Variants in AWAT1 observed in about 807,000 individuals in gnomAD.
The protein encoded by AWAT1 is acyl-CoA wax alcohol acyltransferase 1, also known as diacyl-glycerol acyltransferase 2.
In AWAT1, 26 loss-of-function variants were observed where a neutral mutation model predicts 21.6. That is an observed-to-expected ratio of 1.20 (90% CI 0.88 to 1.67). AWAT1 has a LOEUF of 1.67. AWAT1 is among the 40% of genes most tolerant of loss of function. The pLI, the probability that AWAT1 is intolerant of heterozygous loss-of-function variation, is 0.00. For synonymous variants in AWAT1, 102 were observed against 99.3 expected (o/e 1.03, Z -0.16); for missense variants, 264 against 249.4 (o/e 1.06, Z -0.39).
chrX:70,239,681 G>C (rs2085529574), intron 5 of AWAT1, 54 bp from the exon 6 acceptor site: 1 of 1,054,687 alleles, frequency 9.5e-7, no homozygotes, highest in Non-Finnish European at 1.3e-6. Context: ...TGTTCTTCCA[G>C]GGTGGGTCTC....
intron 5 of AWAT1, 90 bp downstream of exon 5, chrX:70,238,473 T>G (rs1324501038): frequency 1.3e-5 from 13 of 967,285 alleles, no homozygotes; most frequent in Middle Eastern, 8.2e-4. Context: ...ATGTGAATTT[T>G]GCCCTCAAGG....
At chrX:70,236,977 T>A in intron 3 of AWAT1, 67 bp from the exon 4 acceptor site, 1 of 1,003,721 alleles carries the variant, frequency 1.0e-6, no homozygotes. Flanking sequence ...CCCTGAAGTA[T>A]CACCACCCTT....
chrX:70,235,536 T>C (rs951601466), intron 1 of AWAT1, among the ~76,000 whole-genome samples, 180 bp from the exon 2 acceptor site: 4 of 110,637 alleles, frequency 3.6e-5, no homozygotes, highest in African/African-American at 1.3e-4. Flanking sequence ...ATAGGGCTTC[T>C]GTATGGTAAA....
In AWAT1 at chrX:70,240,650, A is replaced by T; in HGVS notation, c.*360A>T. The T allele has an allele frequency of 1.1e-5, 2 of 185,394 alleles. 1 individual carries two copies. Among genetic ancestry groups the T allele is most frequent in the African/African-American group, 5.7e-5 (2 of 34,794 alleles). The allele number at this position is 185,394 out of a possible 1,213,427, so 15.3% of individuals were successfully genotyped here. On this transcript the variant is annotated 3_prime_UTR_variant, in exon 7 of 7. Transcript: ENST00000374521. Reference sequence around the variant, plus strand: ...AATTCTGAACATTTTATATAAATGGAATAATACAATATGTGGTCTTTTGTG... The same window carrying T: ...AATTCTGAACATTTTATATAAATGGTATAATACAATATGTGGTCTTTTGTG...
chrX:70,234,731 T>G lies in AWAT1; in HGVS notation c.36T>G (p.Ser12Arg). ...AHSKQPSHFQSLMLLQWPLSY... is the reference protein window; with the variant it reads ...AHSKQPSHFQRLMLLQWPLSY... Reference sequence around the variant, plus strand: ...CCAAGCAGCCTAGTCACTTCCAGAGTCTGATGCTTCTGCAGTGGCCTTTGA... The same window carrying G: ...CCAAGCAGCCTAGTCACTTCCAGAGGCTGATGCTTCTGCAGTGGCCTTTGA... The change falls in exon 1 of 7, where the codon AGT becomes AGG. Residue 12 changes from serine (S) to arginine (R), a missense_variant. Ser to Arg is a moderately radical substitution (Grantham distance 110). Transcript: ENST00000374521. The G allele has an allele frequency of 8.3e-7, 1 of 1,209,713 alleles. No individual in the cohort carries two copies. Among genetic ancestry groups the G allele is most frequent in the South Asian group, 1.8e-5 (1 of 56,814 alleles).
intron 1 of AWAT1, 71 bp from the exon 2 acceptor site, chrX:70,235,645 C>A: frequency 1.3e-6 from 1 of 744,409 alleles, no homozygotes; most frequent in Non-Finnish European, 2.1e-6. Context: ...ATGTGGAGAG[C>A]TGGTGATGGG....
chrX:70,239,275 T>A (rs1269173988), intron 5 of AWAT1, among the ~76,000 whole-genome samples: 1 of 112,660 alleles, frequency 8.9e-6, no homozygotes, highest in East Asian at 2.8e-4. Flanking sequence ...AGATTGTTAT[T>A]AGCAAGTCAC....
chrX:70,238,226 A>C lies in AWAT1; in HGVS notation c.475A>C (p.Ser159Arg), dbSNP rs1476851734. Reference sequence around the variant, plus strand: ...ATTCTCTTTAGGTGTGTGCTCTGTGAGCCAGCCAGCCATCAACTATCTGCT... The same window carrying C: ...ATTCTCTTTAGGTGTGTGCTCTGTGCGCCAGCCAGCCATCAACTATCTGCT... Reference protein sequence around the residue: ...YLMAKGVCSVSQPAINYLLSH... With the variant: ...YLMAKGVCSVRQPAINYLLSH... The change falls in exon 5 of 7, where the codon AGC (serine) becomes CGC (arginine). Residue 159 changes from serine to arginine, a missense_variant. By Grantham distance (110) the Ser-to-Arg change is moderately radical. Coordinates refer to ENST00000374521, the MANE Select transcript of AWAT1 (RefSeq NM_001013579.3). 1 of 1,207,332 alleles carries C rather than the reference A, an allele frequency of 8.3e-7. No individual in the cohort carries two copies. Among genetic ancestry groups the C allele is most frequent in the Non-Finnish European group, 1.1e-6 (1 of 892,376 alleles).
chrX:70,235,638 T>G, intron 1 of AWAT1, 78 bp from the exon 2 acceptor site: 1 of 700,510 alleles, frequency 1.4e-6, no homozygotes, highest in Non-Finnish European at 2.3e-6. Context: ...TTAGGTAATG[T>G]GGAGAGCTGG....
rs1007316386 is a variant in AWAT1, at chrX:70,240,626, A to G, written c.*336A>G. ...ACTTTCTGTCTCTGTGGATTTGCCA[A>G]TTCTGAACATTTTATATAAATGGAA... On this transcript the variant is annotated 3_prime_UTR_variant, in exon 7 of 7. Transcript: ENST00000374521. 7 of 221,492 alleles carry G rather than the reference A, an allele frequency of 3.2e-5. No individual in the cohort carries two copies. The highest frequency in any genetic ancestry group is 4.9e-5 in the Non-Finnish European group (6 of 122,242). 18.3% of individuals were successfully genotyped at this position (221,492 alleles called of 1,213,427 possible).
Position 70,234,673 on chromosome X carries a change from C to T in AWAT1, c.-23C>T, listed in dbSNP as rs2085507449. On this transcript the variant is annotated 5_prime_UTR_variant, in exon 1 of 7. Transcript: ENST00000374521. ...TTGGAACACTGTTCTGAGATCTTTGCCTCCCTCAGGCTCCCGAGAATCATG... is the reference window on the plus strand; with the variant it reads ...TTGGAACACTGTTCTGAGATCTTTGTCTCCCTCAGGCTCCCGAGAATCATG... The T allele has an allele frequency of 8.4e-7, 1 of 1,196,645 alleles. No individual in the cohort carries two copies. Among genetic ancestry groups the T allele is most frequent in the Non-Finnish European group, 1.1e-6 (1 of 882,543 alleles).
At chrX:70,238,432 T>C (rs754273770) in intron 5 of AWAT1, 49 bp downstream of exon 5, 1 of 1,097,935 alleles carries the variant, frequency 9.1e-7, no homozygotes, top group Non-Finnish European at 1.2e-6. Context: ...CTGAGCAGCA[T>C]GACCCTGTCG....
chrX:70,236,765 G>A (rs2085516141), intron 3 of AWAT1, among the ~76,000 whole-genome samples: 1 of 111,626 alleles, frequency 9.0e-6, no homozygotes, highest in Non-Finnish European at 1.9e-5. Flanking sequence ...TCACAAAAGT[G>A]CTCATAGACA....
chrX:70,238,917 A>G (rs189440921), intron 5 of AWAT1, among the ~76,000 whole-genome samples: 1 of 112,837 alleles, frequency 8.9e-6, no homozygotes, highest in East Asian at 2.8e-4. Flanking sequence ...GAGATCAATA[A>G]ATGTTAGTAT....
intron 3 of AWAT1, among the ~76,000 whole-genome samples, chrX:70,236,459 C>G (rs753117893): frequency 1.8e-5 from 2 of 111,734 alleles, no homozygotes; most frequent in Non-Finnish European, 3.8e-5. Context: ...TCTCTGCCAT[C>G]GAGGAGCTCA....
At chrX:70,235,907 A>G in intron 2 of AWAT1, 84 bp downstream of exon 2, 1 of 986,102 alleles carries the variant, frequency 1.0e-6, no homozygotes, top group South Asian at 2.0e-5. Flanking sequence ...CAGGCCCCTC[A>G]TCCAAGTTCT....
intron 6 of AWAT1, 21 bp from the exon 7 acceptor site, chrX:70,240,115 T>G (rs1354627395): frequency 8.3e-7 from 1 of 1,207,404 alleles, no homozygotes; most frequent in Non-Finnish European, 1.1e-6. Flanking sequence ...TCCTCTTCTC[T>G]TTTCCGATCT....
rs755141374 is a variant in AWAT1 at position 70,237,121 on chromosome X, C to G, written c.333C>G (p.Gly111=). The change falls in exon 4 of 7, where the codon GGC becomes GGG. Residue 111 remains glycine (G), a synonymous_variant. Transcript: ENST00000374521. ...ACCCCCATGGCCTCCTGACCTTTGGCGCCTTCTGCAACTTCTGCACTGAGG... is the reference window on the plus strand; with the variant it reads ...ACCCCCATGGCCTCCTGACCTTTGGGGCCTTCTGCAACTTCTGCACTGAGG... ...GVHPHGLLTF[G]AFCNFCTEAT... 5 of 1,206,891 alleles carry G rather than the reference C, an allele frequency of 4.1e-6. No homozygotes were observed. In the East Asian group the frequency reaches 1.5e-4, roughly 36 times the overall value.
rs886104865 is a variant in AWAT1, at chrX:70,238,235, G to T, written c.484G>T (p.Ala162Ser). 5 of 1,209,112 alleles carry T rather than the reference G, an allele frequency of 4.1e-6. No individual in the cohort carries two copies. The highest frequency in any genetic ancestry group is 5.6e-6 in the Non-Finnish European group (5 of 893,495). The change falls in exon 5 of 7, where the codon GCC becomes TCC. Residue 162 changes from alanine (A) to serine (S), a missense_variant. Transcript: ENST00000374521. ...AGGTGTGTGCTCTGTGAGCCAGCCA[G>T]CCATCAACTATCTGCTGAGCCATGG... ...AKGVCSVSQP[A>S]INYLLSHGTG...
Sources: allele counts gnomAD v4.1 joint callset (sites outside exome capture counted in the v4.1 genomes callset), GRCh38; gene constraint gnomAD v4.1.1; transcripts MANE v1.5; gene names NCBI Gene and HGNC (gene_info 2026-07-23, HGNC 2026-07-21).